The following CREB5 variants were observed in gnomAD, a reference collection of about 807,000 sequenced individuals.
CREB5 encodes the protein cyclic AMP-responsive element-binding protein 5.
A neutral mutation model predicts 57.1 loss-of-function variants in CREB5; 19 were observed. That is an observed-to-expected ratio of 0.33 (90% CI 0.23 to 0.49). The LOEUF is 0.49. CREB5 is among the 20% of genes least tolerant of loss of function. CREB5 has a pLI of 0.99. For synonymous variants in CREB5, 238 were observed against 238.3 expected (o/e 1.00, Z 0.01); for missense variants, 579 against 671.6 (o/e 0.86, Z 1.52).
At chr7:28,574,575 A>G (rs1177608456) in intron 5 of CREB5, among the ~76,000 whole-genome samples, 1 of 152,256 alleles carries the variant, frequency 6.6e-6, no homozygotes, top group Non-Finnish European at 1.5e-5. Flanking sequence ...TCAGGAGAGC[A>G]ATGAAGATAA....
chr7:28,492,654 CA>C (rs1191667088), intron 2 of CREB5, among the ~76,000 whole-genome samples: 2 of 150,696 alleles, frequency 1.3e-5, no homozygotes, highest in African/African-American at 2.4e-5. Flanking sequence ...TTTATAAAGT[CA>C]AAAAATGGCT....
At chr7:28,357,876 A>G (rs1486448288) in intron 1 of CREB5, among the ~76,000 whole-genome samples, 1 of 152,194 alleles carries the variant, frequency 6.6e-6, no homozygotes, top group Non-Finnish European at 1.5e-5. Flanking sequence ...AAAGATCTTT[A>G]AAGTGAAAGG....
intron 5 of CREB5, among the ~76,000 whole-genome samples, chr7:28,592,152 G>A (rs1248562176): frequency 1.3e-5 from 2 of 152,208 alleles, no homozygotes; most frequent in Non-Finnish European, 2.9e-5. Flanking sequence ...AACTCATGTG[G>A]TTTGCATTTC....
At chr7:28,551,338 C>T (rs368559921) in intron 4 of CREB5, among the ~76,000 whole-genome samples, 1 of 152,204 alleles carries the variant, frequency 6.6e-6, no homozygotes, top group East Asian at 1.9e-4. Flanking sequence ...CAGAATAGTT[C>T]GTGTTTCAGA....
intron 1 of CREB5, among the ~76,000 whole-genome samples, chr7:28,420,700 C>T (rs1302618383): frequency 6.6e-6 from 1 of 150,564 alleles, no homozygotes; most frequent in Non-Finnish European, 1.5e-5. Context: ...CCCAGCTACT[C>T]GGGAGGCTGG....
intron 1 of CREB5, among the ~76,000 whole-genome samples, chr7:28,452,816 A>G (rs1789889163): frequency 6.6e-6 from 1 of 152,242 alleles, no homozygotes; most frequent in Non-Finnish European, 1.5e-5. Flanking sequence ...GACTCAGTCC[A>G]CAGAGCTTAG....
At chr7:28,398,308 A>C (rs1161451424) in intron 1 of CREB5, among the ~76,000 whole-genome samples, 1 of 152,180 alleles carries the variant, frequency 6.6e-6, no homozygotes, top group African/African-American at 2.4e-5. Context: ...GCAGCCATAG[A>C]ATAGTTCCAG....
At chr7:28,608,978 C>A (rs1000454879) in intron 5 of CREB5, 1 of 152,148 alleles carries the variant, frequency 6.6e-6, no homozygotes, top group African/African-American at 2.4e-5. Flanking sequence ...TGATCTATGA[C>A]CTGCTTGTAT....
At chr7:28,740,291 G>T (rs976592925) in intron 7 of CREB5, among the ~76,000 whole-genome samples, 1 of 152,136 alleles carries the variant, frequency 6.6e-6, no homozygotes, top group Non-Finnish European at 1.5e-5. Flanking sequence ...CAGGTCTTAT[G>T]AAACTCATCC....
At chr7:28,756,918 T>C (rs2128767090) in intron 7 of CREB5, among the ~76,000 whole-genome samples, 1 of 152,264 alleles carries the variant, frequency 6.6e-6, no homozygotes, top group Non-Finnish European at 1.5e-5. Context: ...ATTTGTTGGA[T>C]GATTGATTGG....
intron 5 of CREB5, among the ~76,000 whole-genome samples, chr7:28,581,484 C>G (rs1796123146): frequency 6.6e-6 from 1 of 152,152 alleles, no homozygotes; most frequent in Admixed American, 6.5e-5. Flanking sequence ...CTTGCCAAGG[C>G]CTGTACCACA....
At chr7:28,589,887 A>G (rs160339) in intron 5 of CREB5, among the ~76,000 whole-genome samples, 4,897 of 152,254 alleles carry the variant, frequency 0.032, 264 homozygotes, top group African/African-American at 0.11. Context: ...CAGATAAACT[A>G]TGTCAGCTCC....
chr7:28,698,655 A>G (rs1362343948), intron 5 of CREB5, among the ~76,000 whole-genome samples: 1 of 152,188 alleles, frequency 6.6e-6, no homozygotes, highest in Non-Finnish European at 1.5e-5. Flanking sequence ...GATTGGAGAG[A>G]ACTATTCATT....
At chr7:28,502,805 C>A (rs115676685) in intron 3 of CREB5, among the ~76,000 whole-genome samples, 1,724 of 152,222 alleles carry the variant, frequency 0.011, 21 homozygotes, top group African/African-American at 0.039. Flanking sequence ...CTGCATTTTC[C>A]CTTCTTTTCT....
intron 7 of CREB5, among the ~76,000 whole-genome samples, chr7:28,801,191 G>T (rs990143546): frequency 6.6e-6 from 1 of 152,202 alleles, no homozygotes; most frequent in Non-Finnish European, 1.5e-5. Context: ...AATGTCTGAG[G>T]ATATGTGGTG....
Position 28,421,782 on chromosome 7 carries a change from T to TAC in CREB5, c.3+8866_3+8867dup, listed in dbSNP as rs148906424. Among the ~76,000 whole-genome samples, 697 of 145,708 alleles carry TAC rather than the reference T, an allele frequency of 4.8e-3. 6 individuals are homozygous for TAC. Among genetic ancestry groups the TAC allele is most frequent in the African/African-American group, 0.014 (534 of 39,520 alleles). On this transcript the variant is annotated intron_variant, in intron 1 of 10. Coordinates refer to ENST00000357727, the MANE Select transcript of CREB5 (RefSeq NM_182898.4). ...CATACACACACACTATATATATATA[T>TAC]ACCATATATATATATATACACACAC...
chr7:28,724,084 C>T (rs1803195417), intron 6 of CREB5, 138 bp from the exon 7 acceptor site: 3 of 687,144 alleles, frequency 4.4e-6, no homozygotes, highest in Non-Finnish European at 7.1e-6. Flanking sequence ...GCATTGCTTA[C>T]CACACACCAA....
intron 1 of CREB5, among the ~76,000 whole-genome samples, chr7:28,321,655 G>A (rs964044241): frequency 4.6e-5 from 7 of 152,172 alleles, no homozygotes; most frequent in Non-Finnish European, 7.4e-5. Context: ...GGGCAGGAGA[G>A]GGTTGGCAGA....
chr7:28,587,235 TCTGAGA>T (rs1321398556), intron 5 of CREB5, among the ~76,000 whole-genome samples: 14 of 152,196 alleles, frequency 9.2e-5, no homozygotes, highest in African/African-American at 3.4e-4. Context: ...ATTAGAGAAT[TCTGAGA>T]CTGAAAGACA....
Sources: allele counts gnomAD v4.1 joint callset (sites outside exome capture counted in the v4.1 genomes callset), GRCh38; gene constraint gnomAD v4.1.1; transcripts MANE v1.5; gene names NCBI Gene and HGNC (gene_info 2026-07-23, HGNC 2026-07-21).